The following KIF2A variants were observed in gnomAD, a reference collection of about 807,000 sequenced individuals.
KIF2A encodes kinesin family member 2A.
A neutral mutation model predicts 100.2 loss-of-function variants in KIF2A; 22 were observed. The observed-to-expected ratio is 0.22, with a 90% CI of 0.16 to 0.31. KIF2A has a LOEUF of 0.31. Among genes scored for constraint, KIF2A ranks in the 10% least tolerant of loss-of-function variants. The pLI is 1.00. For missense variants in KIF2A, 495 were observed against 898.7 expected (o/e 0.55, Z 5.74); for synonymous variants, 268 against 285.9 (o/e 0.94, Z 0.63).
chr5:62,355,970 C>T (rs112473777), intron 7 of KIF2A, among the ~76,000 whole-genome samples: 6,564 of 151,786 alleles, frequency 0.043, 448 homozygotes, highest in African/African-American at 0.15. Flanking sequence ...TTAGTAGAAA[C>T]GGGGTTCACC....
intron 14 of KIF2A, among the ~76,000 whole-genome samples, chr5:62,365,041 C>T (rs1294015728): frequency 6.6e-6 from 1 of 152,022 alleles, no homozygotes; most frequent in African/African-American, 2.4e-5. Context: ...TGTAGTGAGC[C>T]AAGATTGCGC....
At chr5:62,306,601 G>A (rs1745290990) in intron 1 of KIF2A, 65 bp downstream of exon 1, 1 of 1,321,938 alleles carries the variant, frequency 7.6e-7, no homozygotes, top group Non-Finnish European at 1.0e-6. Flanking sequence ...CGGAGGGGAC[G>A]CGGGCGCCGG....
At chr5:62,379,577 G>A (rs1337921675) in intron 19 of KIF2A, among the ~76,000 whole-genome samples, 1 of 151,592 alleles carries the variant, frequency 6.6e-6, no homozygotes, top group Admixed American at 6.6e-5. Context: ...CAGGAGAATT[G>A]CTTGAACCCA....
intron 1 of KIF2A, among the ~76,000 whole-genome samples, chr5:62,330,211 T>C (rs1746564754): frequency 6.6e-6 from 1 of 152,028 alleles, no homozygotes; most frequent in Admixed American, 6.6e-5. Context: ...AATAGCCAGG[T>C]GTGGTGGCAG....
At chr5:62,323,757 G>T (rs1746227137) in intron 1 of KIF2A, among the ~76,000 whole-genome samples, 1 of 151,674 alleles carries the variant, frequency 6.6e-6, no homozygotes, top group African/African-American at 2.4e-5. Flanking sequence ...AATTTTTTTT[G>T]CTGGGTACAG....
chr5:62,310,830 AAAC>A (rs1205762512), intron 1 of KIF2A, among the ~76,000 whole-genome samples: 3 of 152,206 alleles, frequency 2.0e-5, no homozygotes, highest in Non-Finnish European at 4.4e-5. Context: ...ACTCTTAAAA[AAAC>A]CTACAATCTT....
intron 18 of KIF2A, among the ~76,000 whole-genome samples, chr5:62,376,750 T>C (rs1741569966): frequency 6.6e-6 from 1 of 152,000 alleles, no homozygotes; most frequent in African/African-American, 2.4e-5. Context: ...TGTTTTGTTT[T>C]GTTTTGTTTT....
chr5:62,383,535 G>A (rs1288650553), intron 20 of KIF2A, among the ~76,000 whole-genome samples: 1 of 152,020 alleles, frequency 6.6e-6, no homozygotes, highest in Non-Finnish European at 1.5e-5. Flanking sequence ...GAGCCACCAC[G>A]CCCGGCCTGC....
rs762480935 is a variant in KIF2A at position 62,348,155 on chromosome 5, C to T, written c.267C>T (p.Asn89=). The T allele has an allele frequency of 1.2e-6, 2 of 1,613,552 alleles. No homozygotes were observed. Among genetic ancestry groups the T allele is most frequent in the East Asian group, 2.2e-5 (1 of 44,846 alleles). The change falls in exon 3 of 21, where the codon AAC becomes AAT. Residue 89 remains asparagine (N), a synonymous_variant. Transcript: ENST00000407818. The part of the protein sequence containing the change: ...PPPPASSAKV[N]KIVKNRRTVA... ...CTCCAGCATCCTCAGCCAAAGTAAA[C>T]AAAATTGTAAAGGTTAGTGATGAAA...
chr5:62,371,704 C>G (rs1443892204), intron 16 of KIF2A, among the ~76,000 whole-genome samples: 3 of 152,072 alleles, frequency 2.0e-5, no homozygotes, highest in Non-Finnish European at 4.4e-5. Context: ...ACCTGACATA[C>G]AGGAGGTACT....
At chr5:62,315,654 G>C (rs577242592) in intron 1 of KIF2A, among the ~76,000 whole-genome samples, 3 of 152,254 alleles carry the variant, frequency 2.0e-5, no homozygotes, top group Admixed American at 1.3e-4. Flanking sequence ...AAGGGAGGAG[G>C]GGTAATCTGG....
intron 19 of KIF2A, among the ~76,000 whole-genome samples, chr5:62,379,569 G>C (rs13174779): frequency 0.052 from 7,870 of 151,910 alleles, 282 homozygotes; most frequent in East Asian, 0.13. Context: ...GGCTGAGGCA[G>C]GAGAATTGCT....
At chr5:62,352,797 A>G in intron 5 of KIF2A, 87 bp downstream of exon 5, 3 of 1,029,296 alleles carry the variant, frequency 2.9e-6, no homozygotes. Flanking sequence ...CAAAGAGTAA[A>G]CACTCTAAAT....
intron 19 of KIF2A, among the ~76,000 whole-genome samples, 163 bp downstream of exon 19, chr5:62,377,925 C>T (rs767278162): frequency 6.6e-6 from 1 of 152,166 alleles, no homozygotes; most frequent in African/African-American, 2.4e-5. Flanking sequence ...ATACAATGAA[C>T]GATGGCTACA....
intron 20 of KIF2A, among the ~76,000 whole-genome samples, chr5:62,381,946 T>C (rs1166427920): frequency 6.6e-6 from 1 of 152,242 alleles, no homozygotes; most frequent in East Asian, 1.9e-4. Context: ...GTGCCTTACC[T>C]ACTAAGTCGT....
chr5:62,363,999 G>C, intron 14 of KIF2A, 100 bp downstream of exon 14: 1 of 940,714 alleles, frequency 1.1e-6, no homozygotes, highest in Non-Finnish European at 1.6e-6. Context: ...CTAATAAAAA[G>C]AGGTTTTCAA....
rs1300481801 is a variant in KIF2A, at chr5:62,388,189, G to T, written c.*2620G>T. ...TTGTCCAGAAATCATAGGAATACTG[G>T]GAACCTGTAGTTATGGGAAATGGCT... On this transcript the variant is annotated 3_prime_UTR_variant, in exon 21 of 21. Coordinates refer to ENST00000407818, the MANE Select transcript of KIF2A (RefSeq NM_001098511.3). The T allele has an allele frequency of 6.6e-6, 1 of 152,064 alleles. No individual in the cohort carries two copies. Among genetic ancestry groups the T allele is most frequent in the Non-Finnish European group, 1.5e-5 (1 of 68,012 alleles). The allele number at this position is 152,064 out of a possible 1,614,324, so 9.4% of individuals were successfully genotyped here.
intron 1 of KIF2A, among the ~76,000 whole-genome samples, chr5:62,330,234 C>T (rs1024920564): frequency 2.0e-5 from 3 of 152,162 alleles, no homozygotes; most frequent in Admixed American, 2.0e-4. Flanking sequence ...ACCTCTGGTT[C>T]CAGCTACTTG....
chr5:62,333,180 T>C lies in KIF2A; in HGVS notation c.65-13950T>C, dbSNP rs564375554. Among the ~76,000 whole-genome samples, 8 of 152,358 alleles carry C rather than the reference T, an allele frequency of 5.3e-5. No individual in the cohort carries two copies. In the South Asian group the frequency reaches 1.7e-3, roughly 32 times the overall value. ...TTTTGTCACATACAAATATAAATCT[T>C]TCCTTACATAAATATTTGCCAGAAC... On this transcript the variant is annotated intron_variant, in intron 1 of 20. Coordinates refer to ENST00000407818, the MANE Select transcript of KIF2A (RefSeq NM_001098511.3).
Sources: gnomAD v4.1 joint callset for allele counts (sites outside exome capture counted in the v4.1 genomes callset) on GRCh38, gnomAD v4.1.1 for gene constraint, MANE v1.5 for transcripts, NCBI Gene and HGNC (gene_info 2026-07-23, HGNC 2026-07-21) for gene names.